The following SCIN variants were observed in gnomAD, a reference collection of about 807,000 sequenced individuals.
SCIN encodes adseverin.
SCIN carries 91 observed loss-of-function variants against 91.8 expected under a neutral mutation model. The ratio of observed to expected loss-of-function variants is 0.99; its 90% CI spans 0.84 to 1.18. SCIN has a LOEUF of 1.18. Ranked by LOEUF, SCIN falls within the 50% of genes most tolerant of loss-of-function variation. SCIN has a pLI of 0.00. For missense variants in SCIN, 1,087 were observed against 863.9 expected (o/e 1.26, Z -3.24); for synonymous variants, 367 against 312.6 (o/e 1.17, Z -1.84).
intron 13 of SCIN, 109 bp from the exon 14 acceptor site, chr7:12,649,358 C>T (rs540687518): frequency 1.4e-5 from 8 of 560,808 alleles, no homozygotes; most frequent in African/African-American, 7.7e-5. Flanking sequence ...AAAATTACCA[C>T]CAAATTTTAT....
chr7:12,639,786 C>T, intron 10 of SCIN, among the ~76,000 whole-genome samples: 1 of 152,080 alleles, frequency 6.6e-6, no homozygotes, highest in South Asian at 2.1e-4. Context: ...ATTTTTAGTG[C>T]TTGCATAGCA....
At chr7:12,599,825 A>G (rs984120372) in intron 3 of SCIN, among the ~76,000 whole-genome samples, 2 of 152,072 alleles carry the variant, frequency 1.3e-5, no homozygotes, top group Non-Finnish European at 2.9e-5. Context: ...TTCTTCTCAG[A>G]ACTGTCTGTT....
At chr7:12,613,753 T>G (rs1783243479) in intron 4 of SCIN, among the ~76,000 whole-genome samples, 1 of 152,156 alleles carries the variant, frequency 6.6e-6, no homozygotes, top group Non-Finnish European at 1.5e-5. Context: ...GTATATGTAA[T>G]AATATGTTTA....
intron 13 of SCIN, among the ~76,000 whole-genome samples, chr7:12,647,163 C>T (rs1783983159): frequency 6.6e-6 from 1 of 152,046 alleles, no homozygotes; most frequent in Admixed American, 6.6e-5. Flanking sequence ...AGGCTTTGTT[C>T]TCAGTGTGTT....
intron 14 of SCIN, among the ~76,000 whole-genome samples, chr7:12,649,970 G>C (rs1209267706): frequency 6.6e-6 from 1 of 152,074 alleles, no homozygotes; most frequent in Non-Finnish European, 1.5e-5. Flanking sequence ...GAAACAGGCA[G>C]AATAGTTTTG....
chr7:12,581,241 A>T lies in SCIN; in HGVS notation c.516+20A>T. The T allele has an allele frequency of 6.5e-7, 1 of 1,546,008 alleles. No homozygotes were observed. Among genetic ancestry groups the T allele is most frequent in the South Asian group, 1.2e-5 (1 of 83,666 alleles). Reference sequence around the variant, plus strand: ...GGCACCGTAAGTTTCATATATACACATCGATGTCTAAAGAAAAGTGAATTG... The same window carrying T: ...GGCACCGTAAGTTTCATATATACACTTCGATGTCTAAAGAAAAGTGAATTG... On this transcript the variant is annotated intron_variant, in intron 3 of 15. Coordinates refer to ENST00000297029, the MANE Select transcript of SCIN (RefSeq NM_001112706.3).
intron 11 of SCIN, 63 bp downstream of exon 11, chr7:12,640,580 C>T: frequency 1.4e-6 from 2 of 1,384,610 alleles, no homozygotes; most frequent in Non-Finnish European, 1.9e-6. Context: ...CCTGAGCCAT[C>T]AGCAAATATT....
rs764078016 is a variant in SCIN, at chr7:12,578,203, C to A, written c.339C>A (p.Gly113=). 6 of 1,545,568 alleles carry A rather than the reference C, an allele frequency of 3.9e-6. 1 individual carries two copies. In the South Asian group the frequency reaches 7.3e-5, roughly 19 times the overall value. ...ATGACTTTGTTAGCTATTTCAAAGG[C>A]GGTCTGAAATACAAGGTAAGCAGCT... ...ESNDFVSYFK[G]GLKYKAGGVA... is the part of the protein sequence containing the mutation. The change falls in exon 2 of 16, where the codon GGC becomes GGA. Residue 113 remains glycine, a synonymous_variant. Coordinates refer to ENST00000297029, the MANE Select transcript of SCIN (RefSeq NM_001112706.3).
intron 4 of SCIN, among the ~76,000 whole-genome samples, chr7:12,610,590 T>C (rs1313308696): frequency 6.6e-6 from 1 of 152,202 alleles, no homozygotes; most frequent in East Asian, 1.9e-4. Context: ...TTTTTCTGTT[T>C]TTTAGGGGAT....
chr7:12,608,724 G>T (rs1173591083), intron 4 of SCIN, among the ~76,000 whole-genome samples: 1 of 152,086 alleles, frequency 6.6e-6, no homozygotes, highest in Non-Finnish European at 1.5e-5. Context: ...TGATCCGCCG[G>T]CCTTGGCCTT....
intron 3 of SCIN, among the ~76,000 whole-genome samples, chr7:12,597,658 A>G (rs1782872010): frequency 6.6e-6 from 1 of 152,218 alleles, no homozygotes; most frequent in Non-Finnish European, 1.5e-5. Flanking sequence ...TTCAAGACCA[A>G]TAATAGGACT....
chr7:12,640,265 A>T, intron 10 of SCIN, 82 bp from the exon 11 acceptor site: 1 of 1,211,000 alleles, frequency 8.3e-7, no homozygotes, highest in Non-Finnish European at 1.1e-6. Flanking sequence ...CAAAAAGACA[A>T]CATAAGAACA....
At chr7:12,571,811 A>G (rs1782277194) in intron 1 of SCIN, among the ~76,000 whole-genome samples, 1 of 152,194 alleles carries the variant, frequency 6.6e-6, no homozygotes, top group African/African-American at 2.4e-5. Flanking sequence ...GGCTGTCAGG[A>G]CACTGGGCCT....
At chr7:12,590,648 G>C (rs1183920002) in intron 3 of SCIN, among the ~76,000 whole-genome samples, 1 of 152,068 alleles carries the variant, frequency 6.6e-6, no homozygotes, top group African/African-American at 2.4e-5. Flanking sequence ...AGGAAGGAGA[G>C]GGGCAGAGGC....
chr7:12,574,143 C>T (rs1258005208), intron 1 of SCIN, among the ~76,000 whole-genome samples: 1 of 152,022 alleles, frequency 6.6e-6, no homozygotes, highest in Non-Finnish European at 1.5e-5. Flanking sequence ...TAGAATCAGC[C>T]CAGATGCTTT....
chr7:12,625,249 T>A, intron 6 of SCIN, 107 bp downstream of exon 6: 1 of 1,024,114 alleles, frequency 9.8e-7, no homozygotes, highest in Non-Finnish European at 1.4e-6. Context: ...ACCTTTTAAT[T>A]AAGACATGAT....
chr7:12,625,900 C>T, intron 7 of SCIN, 50 bp downstream of exon 7: 1 of 1,323,012 alleles, frequency 7.6e-7, no homozygotes, highest in Non-Finnish European at 1.1e-6. Flanking sequence ...CATTGGAGCT[C>T]ATGACATCTC....
chr7:12,592,187 T>G (rs921868105), intron 3 of SCIN, among the ~76,000 whole-genome samples: 2 of 152,098 alleles, frequency 1.3e-5, no homozygotes, highest in African/African-American at 4.8e-5. Context: ...GAAGGCATCC[T>G]TCAGGTCAAT....
rs187808276 is a variant in SCIN at position 12,659,798 on chromosome 7, C to A, written c.*7083C>A. 1.8e-3 allele frequency: 310 copies of A among 169,978 alleles called. 2 individuals carry two copies. Among genetic ancestry groups the A allele is most frequent in the Non-Finnish European group, 3.0e-3 (239 of 79,510 alleles). The allele number at this position is 169,978 out of a possible 1,614,324, so 10.5% of individuals were successfully genotyped here. A position where few individuals can be genotyped will look rare whatever the true frequency, so the allele number is the denominator to read the frequency against. On this transcript the variant is annotated 3_prime_UTR_variant, in exon 16 of 16. Coordinates refer to ENST00000297029, the MANE Select transcript of SCIN (RefSeq NM_001112706.3). ...ACACAGAGTACACCATGTCAGGCCT[C>A]TGAGCCCAAGCTAAGCCATCATATC...
Sources: gnomAD v4.1 joint callset for allele counts (sites outside exome capture counted in the v4.1 genomes callset) on GRCh38, gnomAD v4.1.1 for gene constraint, MANE v1.5 for transcripts, NCBI Gene and HGNC (gene_info 2026-07-23, HGNC 2026-07-21) for gene names.